Variants in NCKAP5 observed in about 807,000 individuals in gnomAD.
NCKAP5 encodes nck-associated protein 5.
Under a neutral mutation model 167.0 loss-of-function variants are expected in NCKAP5, and 92 were observed. That is an observed-to-expected ratio of 0.55 (90% CI 0.47 to 0.66). NCKAP5 has a LOEUF of 0.66. Ranked by LOEUF, NCKAP5 falls within the 30% of genes least tolerant of loss-of-function variation. The probability of loss-of-function intolerance (pLI) is 0.00; values close to 1 mark genes in which losing one functional copy is unlikely to be tolerated. For synonymous variants in NCKAP5, 891 were observed against 877.4 expected (o/e 1.02, Z -0.27); for missense variants, 2,378 against 2,315.0 (o/e 1.03, Z -0.56).
At chr2:132,709,565 A>C (rs893277389) in intron 19 of NCKAP5, among the ~76,000 whole-genome samples, 6 of 152,174 alleles carry the variant, frequency 3.9e-5, no homozygotes, top group Admixed American at 1.3e-4. Flanking sequence ...GTTTATGTCA[A>C]TAAACATGAA....
At chr2:133,085,347 C>T (rs1388463960) in intron 6 of NCKAP5, among the ~76,000 whole-genome samples, 1 of 152,088 alleles carries the variant, frequency 6.6e-6, no homozygotes, top group East Asian at 1.9e-4. Context: ...TCTAGGTTGA[C>T]TTTAAATTGT....
chr2:133,379,586 C>G (rs58227168), intron 3 of NCKAP5, among the ~76,000 whole-genome samples: 17,966 of 152,196 alleles, frequency 0.12, 1,207 homozygotes, highest in Non-Finnish European at 0.16. Flanking sequence ...CTTGAATTGT[C>G]AGCTCCATGT....
At chr2:133,044,718 A>C (rs532701875) in intron 6 of NCKAP5, among the ~76,000 whole-genome samples, 71 of 152,190 alleles carry the variant, frequency 4.7e-4, no homozygotes, top group Admixed American at 3.9e-4. Context: ...TTTCACTCCT[A>C]CTTATTTATA....
intron 19 of NCKAP5, among the ~76,000 whole-genome samples, chr2:132,715,140 A>C (rs1352252392): frequency 6.6e-6 from 1 of 152,226 alleles, no homozygotes; most frequent in Non-Finnish European, 1.5e-5. Flanking sequence ...AAAAGCAATT[A>C]GAATATATCT....
chr2:133,635,606 C>T, the NCKAP5 span, among the ~76,000 whole-genome samples: 111 of 152,194 alleles, frequency 7.3e-4, no homozygotes, highest in Non-Finnish European at 1.3e-3. Context: ...TTTCATAAAA[C>T]CTGGTAGGAA....
intron 11 of NCKAP5, among the ~76,000 whole-genome samples, chr2:132,858,563 T>C (rs4954001): frequency 0.28 from 42,099 of 152,080 alleles, 6,275 homozygotes; most frequent in East Asian, 0.45. Context: ...AAGCCAGTCA[T>C]GTCCTCTGTC....
At chr2:133,133,946 T>A (rs1371261766) in intron 5 of NCKAP5, among the ~76,000 whole-genome samples, 1 of 152,230 alleles carries the variant, frequency 6.6e-6, no homozygotes, top group East Asian at 1.9e-4. Context: ...TACTGTCAGC[T>A]CTGCTGTAAC....
intron 4 of NCKAP5, among the ~76,000 whole-genome samples, chr2:133,282,563 C>T (rs2089970254): frequency 1.3e-5 from 2 of 152,066 alleles, no homozygotes; most frequent in African/African-American, 2.4e-5. Flanking sequence ...AATATGAAGG[C>T]CAGAGGATGA....
chr2:133,306,078 A>G (rs1680754889), intron 3 of NCKAP5, among the ~76,000 whole-genome samples: 1 of 152,268 alleles, frequency 6.6e-6, no homozygotes, highest in South Asian at 2.1e-4. Flanking sequence ...ATTATAAAAT[A>G]GGATTACTCC....
intron 2 of NCKAP5, among the ~76,000 whole-genome samples, chr2:133,544,471 T>A (rs914331585): frequency 6.6e-6 from 1 of 152,210 alleles, no homozygotes; most frequent in Non-Finnish European, 1.5e-5. Context: ...ACAATTTGAT[T>A]TTTTCCCCAC....
intron 3 of NCKAP5, among the ~76,000 whole-genome samples, chr2:133,318,272 A>T (rs1229105014): frequency 1.3e-5 from 2 of 152,192 alleles, no homozygotes; most frequent in Non-Finnish European, 2.9e-5. Flanking sequence ...CACCCAAAAT[A>T]AACAACTCAG....
intron 6 of NCKAP5, among the ~76,000 whole-genome samples, chr2:133,051,911 G>C (rs1559089525): frequency 6.6e-6 from 1 of 152,122 alleles, no homozygotes; most frequent in African/African-American, 2.4e-5. Flanking sequence ...AGAGAAGTGA[G>C]GTCTAGAGAG....
Position 133,331,024 on chromosome 2 carries a change from A to G in NCKAP5, c.70-27914T>C, listed in dbSNP as rs147481434. Among the ~76,000 whole-genome samples the G allele has an allele frequency of 8.8e-3, 1,346 of 152,340 alleles. 20 individuals are homozygous for G. The highest frequency in any genetic ancestry group is 0.031 in the African/African-American group (1,288 of 41,578). On this transcript the variant is annotated intron_variant, in intron 3 of 19. Transcript: ENST00000409261. ...TGTGCTATTATTATTCTTATTTCAC[A>G]GATCAAAAAATGAGCAAATATGTGT...
At chr2:132,809,387 T>C (rs2105254345) in intron 11 of NCKAP5, among the ~76,000 whole-genome samples, 1 of 152,312 alleles carries the variant, frequency 6.6e-6, no homozygotes, top group South Asian at 2.1e-4. Flanking sequence ...CTCACTATTA[T>C]TGGGTTGCCG....
chr2:133,244,682 T>C (rs1371867776), intron 4 of NCKAP5, among the ~76,000 whole-genome samples: 1 of 152,124 alleles, frequency 6.6e-6, no homozygotes, highest in Non-Finnish European at 1.5e-5. Flanking sequence ...AGACTGTCAC[T>C]TGATATACAA....
Position 132,784,043 on chromosome 2 carries a change from C to T in NCKAP5, c.2768G>A (p.Gly923Glu), listed in dbSNP as rs762871389. ...DEHCGSGPEAGVKSPSPPPPP... is the reference protein window; with the variant it reads ...DEHCGSGPEAEVKSPSPPPPP... Reference sequence around the variant, plus strand: ...GGGCGGAGGGGAAGGGGATTTCACCCCTGCCTCCGGCCCAGAGCCACAGTG... The same window carrying T: ...GGGCGGAGGGGAAGGGGATTTCACCTCTGCCTCCGGCCCAGAGCCACAGTG... Residue 923 changes from glycine (G) to glutamate (E), a missense_variant, in exon 14 of 20, where the codon GGG (glycine) becomes GAG (glutamate). Physicochemically the swap from Gly to Glu is moderately conservative, Grantham distance 98. Around this residue, in one of 3 missense-constraint regions of NCKAP5, gnomAD observed 1,325 missense variants for 1,274.5 expected, o/e 1.04. Transcript: ENST00000409261. The T allele has an allele frequency of 2.0e-6, 3 of 1,538,378 alleles. No homozygotes were observed. The highest frequency in any genetic ancestry group is 2.6e-6 in the Non-Finnish European group (3 of 1,146,222).
At chr2:132,890,086 C>G (rs1399021288) in intron 8 of NCKAP5, among the ~76,000 whole-genome samples, 1 of 152,194 alleles carries the variant, frequency 6.6e-6, no homozygotes, top group African/African-American at 2.4e-5. Flanking sequence ...TCCTTCAATT[C>G]AGGAAAGGCA....
chr2:133,372,463 T>G (rs1389707735), intron 3 of NCKAP5, among the ~76,000 whole-genome samples: 2 of 152,216 alleles, frequency 1.3e-5, no homozygotes, highest in Non-Finnish European at 2.9e-5. Context: ...TCTCAACATC[T>G]CCTCACTGCA....
chr2:132,784,117 C>T lies in NCKAP5; in HGVS notation c.2694G>A (p.Arg898=), dbSNP rs564536650. ...PKSQTPGSRS[R]PAIESSDSGE... is the part of the protein sequence containing the mutation. ...CACTGTCACTAGACTCAATGGCAGG[C>T]CTTGACCGTGACCCTGGAGTCTGAC... The change falls in exon 14 of 20, where the codon AGG becomes AGA. Residue 898 remains arginine (R), a synonymous_variant. Transcript: ENST00000409261. 1.3e-6 allele frequency: 2 copies of T among 1,522,374 alleles called. No individual in the cohort carries two copies. The highest frequency in any genetic ancestry group is 2.8e-5 in the African/African-American group (2 of 71,944). The allele number at this position is 1,522,374 out of a possible 1,614,324, so 94.3% of individuals were successfully genotyped here.
Sources: gnomAD v4.1 joint callset for allele counts (sites outside exome capture counted in the v4.1 genomes callset) on GRCh38, gnomAD v4.1.1 for gene constraint, gnomAD v4.1.1 regional missense constraint, MANE v1.5 for transcripts, NCBI Gene and HGNC (gene_info 2026-07-23, HGNC 2026-07-21) for gene names.